The following NDST4 variants were observed in gnomAD, a reference collection of about 807,000 sequenced individuals.
The protein encoded by NDST4 is N-heparan sulfate sulfotransferase 4.
A neutral mutation model predicts 100.8 loss-of-function variants in NDST4; 63 were observed. The observed-to-expected ratio is 0.62, with a 90% CI of 0.51 to 0.77. The LOEUF is 0.77. Among genes scored for constraint, NDST4 ranks in the 30% least tolerant of loss-of-function variants. NDST4 has a pLI of 0.00. For missense variants in NDST4, 943 were observed against 1,018.4 expected, an observed-to-expected ratio of 0.93 and a Z score of 1.01; for synonymous variants, 377 against 361.8, an observed-to-expected ratio of 1.04 and a Z score of -0.48.
At chr4:114,992,274 T>A (rs1309838722) in intron 2 of NDST4, among the ~76,000 whole-genome samples, 1 of 151,908 alleles carries the variant, frequency 6.6e-6, no homozygotes, top group Non-Finnish European at 1.5e-5. Flanking sequence ...TTTAAAGGTA[T>A]CTTAATTTTT....
At chr4:114,832,026 G>A (rs892521339) in intron 12 of NDST4, among the ~76,000 whole-genome samples, 10 of 151,982 alleles carry the variant, frequency 6.6e-5, no homozygotes, top group African/African-American at 2.4e-4. Context: ...TATTAAAAAC[G>A]ACATATTTTG....
chr4:114,978,057 C>T (rs1031692389), intron 2 of NDST4, among the ~76,000 whole-genome samples: 1 of 151,960 alleles, frequency 6.6e-6, no homozygotes, highest in Non-Finnish European at 1.5e-5. Flanking sequence ...AAATTTGTAG[C>T]ATAATTCAGA....
intron 1 of NDST4, among the ~76,000 whole-genome samples, chr4:115,107,080 C>G (rs1489372419): frequency 1.3e-5 from 2 of 151,944 alleles, no homozygotes; most frequent in African/African-American, 2.4e-5. Context: ...ATTGCTTGAG[C>G]CCAGGAGTTT....
intron 13 of NDST4, among the ~76,000 whole-genome samples, chr4:114,828,621 C>T (rs1468599408): frequency 2.0e-5 from 3 of 152,118 alleles, no homozygotes; most frequent in Admixed American, 1.3e-4. Flanking sequence ...ACACAGATTT[C>T]TGGAAAACAG....
intron 1 of NDST4, among the ~76,000 whole-genome samples, chr4:115,079,105 A>G (rs1187764899): frequency 6.6e-6 from 1 of 151,976 alleles, no homozygotes; most frequent in African/African-American, 2.4e-5. Context: ...TAATCCCAGC[A>G]CTTTGGGAGG....
At chr4:114,888,276 T>C (rs1724521452) in intron 6 of NDST4, among the ~76,000 whole-genome samples, 1 of 151,934 alleles carries the variant, frequency 6.6e-6, no homozygotes, top group Non-Finnish European at 1.5e-5. Context: ...TTTGTGCATT[T>C]CTTCAAGAAC....
At chr4:115,104,381 G>A (rs1388115076) in intron 1 of NDST4, among the ~76,000 whole-genome samples, 3 of 152,052 alleles carry the variant, frequency 2.0e-5, no homozygotes, top group Non-Finnish European at 4.4e-5. Flanking sequence ...ACTATAAGGG[G>A]TGTGGATAAA....
chr4:114,878,735 T>C (rs1724307774), intron 6 of NDST4, among the ~76,000 whole-genome samples: 1 of 152,094 alleles, frequency 6.6e-6, no homozygotes, highest in Non-Finnish European at 1.5e-5. Context: ...AAACATTTTA[T>C]AAAATGAAAA....
intron 6 of NDST4, among the ~76,000 whole-genome samples, chr4:114,893,494 AGTGATG>A (rs531915373): frequency 2.8e-3 from 423 of 152,180 alleles, no homozygotes; most frequent in Non-Finnish European, 4.7e-3. Flanking sequence ...TCTGATGATC[AGTGATG>A]TTGATCTTTT....
chr4:114,979,289 T>A (rs1194845084), intron 2 of NDST4, among the ~76,000 whole-genome samples: 1 of 151,740 alleles, frequency 6.6e-6, no homozygotes, highest in Non-Finnish European at 1.5e-5. Flanking sequence ...AAAACTTGCA[T>A]TATTTTTGAC....
chr4:115,108,001 T>TA (rs1729865065), intron 1 of NDST4, among the ~76,000 whole-genome samples: 1 of 152,036 alleles, frequency 6.6e-6, no homozygotes, highest in Non-Finnish European at 1.5e-5. Context: ...ATACTTTAGA[T>TA]AAGTTGGTAG....
chr4:115,072,281 A>C (rs1729093688), intron 2 of NDST4, among the ~76,000 whole-genome samples: 1 of 152,112 alleles, frequency 6.6e-6, no homozygotes, highest in Admixed American at 6.6e-5. Context: ...TGATATCCAA[A>C]ATGATCTGCA....
intron 2 of NDST4, among the ~76,000 whole-genome samples, chr4:115,000,046 G>C (rs957667553): frequency 6.6e-6 from 1 of 151,786 alleles, no homozygotes; most frequent in African/African-American, 2.4e-5. Flanking sequence ...GTTATTCTAT[G>C]TTGTAATCTA....
chr4:115,037,954 A>G (rs943752466), intron 2 of NDST4, among the ~76,000 whole-genome samples: 1 of 152,202 alleles, frequency 6.6e-6, no homozygotes, highest in Non-Finnish European at 1.5e-5. Context: ...GGTGAGTTCT[A>G]TGTAAAATAC....
At chr4:114,866,666 G>C (rs1724032480) in intron 7 of NDST4, among the ~76,000 whole-genome samples, 1 of 152,158 alleles carries the variant, frequency 6.6e-6, no homozygotes, top group Non-Finnish European at 1.5e-5. Flanking sequence ...GCAGGAATCA[G>C]TATATGACAA....
chr4:114,980,249 A>C (rs1269136064), intron 2 of NDST4, among the ~76,000 whole-genome samples: 2 of 152,220 alleles, frequency 1.3e-5, no homozygotes, highest in African/African-American at 4.8e-5. Context: ...GCTAGAAATA[A>C]AGTTTCTCAA....
At chr4:115,088,118 C>A (rs550753996) in intron 1 of NDST4, among the ~76,000 whole-genome samples, 1 of 151,774 alleles carries the variant, frequency 6.6e-6, no homozygotes, top group African/African-American at 2.4e-5. Context: ...ATTTCAATAA[C>A]TTTCTAAGCC....
At chr4:115,017,716 T>C (rs991839632) in intron 2 of NDST4, among the ~76,000 whole-genome samples, 1 of 152,028 alleles carries the variant, frequency 6.6e-6, no homozygotes, top group Non-Finnish European at 1.5e-5. Flanking sequence ...AGGTATATTA[T>C]AAAATGTCTC....
intron 4 of NDST4, among the ~76,000 whole-genome samples, chr4:114,959,048 T>C (rs756206275): frequency 2.0e-5 from 3 of 152,126 alleles, no homozygotes; most frequent in Non-Finnish European, 4.4e-5. Flanking sequence ...ATGTCCCCAG[T>C]CTCTTCCTAA....
Sources: gnomAD v4.1 joint callset for allele counts (sites outside exome capture counted in the v4.1 genomes callset) on GRCh38, gnomAD v4.1.1 for gene constraint, MANE v1.5 for transcripts, NCBI Gene and HGNC (gene_info 2026-07-23, HGNC 2026-07-21) for gene names.